Variants in INSC observed in about 807,000 individuals in gnomAD.
INSC encodes INSC spindle orientation adaptor protein, also known as protein inscuteable homolog.
In INSC, 67 loss-of-function variants were observed where a neutral mutation model predicts 58.6. That is an observed-to-expected ratio of 1.14 (90% CI 0.94 to 1.40). INSC has a LOEUF of 1.40. INSC is among the 40% of genes most tolerant of loss of function. The probability of loss-of-function intolerance (pLI) is 0.00; values close to 1 mark genes in which losing one functional copy is unlikely to be tolerated. For missense variants in INSC, 714 were observed against 692.0 expected, an observed-to-expected ratio of 1.03 and a Z score of -0.36; for synonymous variants, 262 against 276.1, an observed-to-expected ratio of 0.95 and a Z score of 0.51.
chr11:15,229,997 A>G (rs1352308980), intron 9 of INSC, among the ~76,000 whole-genome samples: 14 of 27,490 alleles, frequency 5.1e-4, no homozygotes, highest in African/African-American at 2.1e-3. Flanking sequence ...ATATATATAT[A>G]TATATATATA....
chr11:15,245,271 A>G (rs1800154294), intron 12 of INSC, among the ~76,000 whole-genome samples: 1 of 152,156 alleles, frequency 6.6e-6, no homozygotes, highest in African/African-American at 2.4e-5. Context: ...AGGAGCAGGA[A>G]GTCACTTCAA....
chr11:15,226,332 C>T (rs1412895704), intron 9 of INSC, among the ~76,000 whole-genome samples: 5 of 152,134 alleles, frequency 3.3e-5, no homozygotes, highest in Admixed American at 2.0e-4. Flanking sequence ...AACCTTCATT[C>T]AGGGCCTCAG....
chr11:15,262,211 C>A, the INSC span, among the ~76,000 whole-genome samples: 3 of 152,052 alleles, frequency 2.0e-5, no homozygotes, highest in African/African-American at 7.2e-5. Flanking sequence ...AGATGAGGTA[C>A]CCTGACTGAC....
chr11:15,152,442 G>A (rs1848683957), intron 2 of INSC, among the ~76,000 whole-genome samples: 1 of 152,174 alleles, frequency 6.6e-6, no homozygotes, highest in Non-Finnish European at 1.5e-5. Context: ...GCAAACTGAA[G>A]CCCAACATCA....
At chr11:15,264,444 C>A in the INSC span, among the ~76,000 whole-genome samples, 22 of 144,718 alleles carry the variant, frequency 1.5e-4, no homozygotes, top group Non-Finnish European at 2.8e-4. Context: ...TTAATTACAT[C>A]TACCAGTAGC....
At chr11:15,156,267 A>G (rs1429143554) in intron 2 of INSC, among the ~76,000 whole-genome samples, 1 of 152,206 alleles carries the variant, frequency 6.6e-6, no homozygotes, top group Non-Finnish European at 1.5e-5. Flanking sequence ...CAGACACTCC[A>G]TCGTCTTTAT....
intron 1 of INSC, among the ~76,000 whole-genome samples, chr11:15,119,391 ACT>A (rs1208704610): frequency 6.6e-6 from 1 of 151,782 alleles, no homozygotes; most frequent in Non-Finnish European, 1.5e-5. Flanking sequence ...CTCTGCCCAG[ACT>A]CTGCGATCTG....
chr11:15,258,680 G>T, the INSC span, among the ~76,000 whole-genome samples: 1 of 152,148 alleles, frequency 6.6e-6, no homozygotes, highest in Non-Finnish European at 1.5e-5. Flanking sequence ...CCTGGTGTAA[G>T]TTAGAACCAG....
In INSC at chr11:15,175,813, C is replaced by T; in HGVS notation, c.129C>T (p.Cys43=). The change falls in exon 3 of 13, where the codon TGC becomes TGT. Residue 43 remains cysteine (C), a synonymous_variant. Coordinates refer to ENST00000379556, the MANE Select transcript of INSC (RefSeq NM_001042536.3). ...TGAAGCTCATGACCGAGTGCGAGTG[C>T]ATGTGTGTCCTGCAGGCCAAGCCCA... is the stretch of plus-strand genomic sequence containing the variant. ...EDLKLMTECE[C]MCVLQAKPIS... 1 of 1,609,052 alleles carries T rather than the reference C, an allele frequency of 6.2e-7. No individual in the cohort carries two copies. Among genetic ancestry groups the T allele is most frequent in the Non-Finnish European group, 8.5e-7 (1 of 1,175,972 alleles).
intron 2 of INSC, among the ~76,000 whole-genome samples, chr11:15,164,113 G>T (rs968608310): frequency 6.7e-6 from 1 of 149,080 alleles, no homozygotes; most frequent in Non-Finnish European, 1.5e-5. Context: ...AGCTTATTTT[G>T]TTATAGTCTT....
chr11:15,215,423 G>A (rs1276639907), intron 7 of INSC, among the ~76,000 whole-genome samples: 1 of 152,216 alleles, frequency 6.6e-6, no homozygotes, highest in Non-Finnish European at 1.5e-5. Flanking sequence ...GGCCCATCAT[G>A]GGAACTAAGC....
intron 5 of INSC, chr11:15,188,075 G>A (rs1186424575): frequency 5.7e-6 from 3 of 529,776 alleles, no homozygotes; most frequent in Non-Finnish European, 7.2e-6. Context: ...CCTGTTTGAG[G>A]AGTCCCCTGT....
At chr11:15,217,912 G>C (rs1262669162) in intron 7 of INSC, among the ~76,000 whole-genome samples, 1 of 152,192 alleles carries the variant, frequency 6.6e-6, no homozygotes, top group African/African-American at 2.4e-5. Context: ...CTGGTTTTTA[G>C]TGTGATTATG....
At chr11:15,174,769 T>G (rs1849517533) in intron 2 of INSC, among the ~76,000 whole-genome samples, 1 of 152,248 alleles carries the variant, frequency 6.6e-6, no homozygotes. Flanking sequence ...CACATAACAA[T>G]TGTCTTTTAA....
chr11:15,209,049 C>A (rs1412023716), intron 7 of INSC, among the ~76,000 whole-genome samples: 4 of 150,792 alleles, frequency 2.7e-5, no homozygotes, highest in Non-Finnish European at 5.9e-5. Context: ...ATCTAACTTC[C>A]AGATTTCCCC....
At chr11:15,208,555 C>T (rs1179160080) in intron 7 of INSC, among the ~76,000 whole-genome samples, 1 of 152,196 alleles carries the variant, frequency 6.6e-6, no homozygotes, top group Admixed American at 6.5e-5. Flanking sequence ...TGCAAAGAGG[C>T]AGGAACTAAA....
rs545391726 is a variant in INSC at position 15,200,835 on chromosome 11, C to T, written c.705C>T (p.Val235=). ...CTTTCTCTTGGCAGGAGGGTGGGGTCGTAGCACTCTTCAAGGTTTGCCGGC... is the reference window on the plus strand; with the variant it reads ...CTTTCTCTTGGCAGGAGGGTGGGGTTGTAGCACTCTTCAAGGTTTGCCGGC... ...LCRIIAKEGG[V]VALFKVCRQD... Residue 235 remains valine, a synonymous_variant, in exon 7 of 13, where the codon GTC becomes GTT. Coordinates refer to ENST00000379556, the MANE Select transcript of INSC (RefSeq NM_001042536.3). 40 of 1,613,926 alleles carry T rather than the reference C, an allele frequency of 2.5e-5. 1 individual carries two copies. In the East Asian group the frequency reaches 4.2e-4, roughly 17 times the overall value.
chr11:15,264,601 T>C, the INSC span, among the ~76,000 whole-genome samples: 1 of 148,548 alleles, frequency 6.7e-6, no homozygotes, highest in Non-Finnish European at 1.5e-5. Context: ...ATGCTTGGAA[T>C]CTTTTGATCT....
rs572254084 is a variant in INSC at position 15,230,171 on chromosome 11, T to C, written c.1170+4343T>C. Among the ~76,000 whole-genome samples, 29 of 147,084 alleles carry C rather than the reference T, an allele frequency of 2.0e-4. 2 individuals are homozygous for C. The highest frequency in any genetic ancestry group is 1.1e-3 in the South Asian group (5 of 4,638). ...CACCACTGTACTCCAGCCTGGATGATAGAGCCAGACCTTGTCTCAAAAATA... is the reference window on the plus strand; with the variant it reads ...CACCACTGTACTCCAGCCTGGATGACAGAGCCAGACCTTGTCTCAAAAATA... On this transcript the variant is annotated intron_variant, in intron 9 of 12. Coordinates refer to ENST00000379556, the MANE Select transcript of INSC (RefSeq NM_001042536.3).
Sources: gnomAD v4.1 joint callset for allele counts (sites outside exome capture counted in the v4.1 genomes callset) on GRCh38, gnomAD v4.1.1 for gene constraint, MANE v1.5 for transcripts, NCBI Gene and HGNC (gene_info 2026-07-23, HGNC 2026-07-21) for gene names.